The following SHPRH variants were observed in gnomAD, a reference collection of about 807,000 sequenced individuals.
SHPRH encodes the protein SNF2 histone linker PHD RING helicase.
A neutral mutation model predicts 202.5 loss-of-function variants in SHPRH; 106 were observed. That is an observed-to-expected ratio of 0.52 (90% CI 0.45 to 0.62). The LOEUF is 0.62. Among genes scored for constraint, SHPRH ranks in the 20% least tolerant of loss-of-function variants. The probability of loss-of-function intolerance (pLI) is 0.00; values close to 1 mark genes in which losing one functional copy is unlikely to be tolerated. For missense variants in SHPRH, 1,710 were observed against 2,020.0 expected, an observed-to-expected ratio of 0.85 and a Z score of 2.94; for synonymous variants, 729 against 686.0, an observed-to-expected ratio of 1.06 and a Z score of -0.98.
At chr6:145,879,342 T>G (rs1298412530) in intron 2 of SHPRH, among the ~76,000 whole-genome samples, 1 of 152,198 alleles carries the variant, frequency 6.6e-6, no homozygotes, top group Non-Finnish European at 1.5e-5. Flanking sequence ...TTCCTCCTTG[T>G]ATTTCTTAGT....
chr6:145,956,076 TAA>T (rs1788476149), intron 1 of SHPRH, among the ~76,000 whole-genome samples: 1 of 151,960 alleles, frequency 6.6e-6, no homozygotes, highest in Non-Finnish European at 1.5e-5. Context: ...AGAATAAGCT[TAA>T]ACAATGGAAA....
chr6:145,904,509 A>G (rs947505032), intron 25 of SHPRH: 1 of 152,242 alleles, frequency 6.6e-6, no homozygotes, highest in Non-Finnish European at 1.5e-5. Flanking sequence ...GTCACAAGAG[A>G]GGGGTGAAGT....
At chr6:145,932,507 CTG>C (rs971362124) in intron 14 of SHPRH, among the ~76,000 whole-genome samples, 3 of 151,354 alleles carry the variant, frequency 2.0e-5, no homozygotes, top group Non-Finnish European at 3.0e-5. Context: ...CATATACGTT[CTG>C]TGTGTGTGTG....
At chr6:145,945,821 A>C (rs1787313043) in intron 7 of SHPRH, among the ~76,000 whole-genome samples, 184 bp from the exon 8 acceptor site, 1 of 152,130 alleles carries the variant, frequency 6.6e-6, no homozygotes, top group African/African-American at 2.4e-5. Flanking sequence ...TAAGAAACAA[A>C]TTACTGTAAT....
chr6:145,954,877 A>T lies in SHPRH; in HGVS notation c.446T>A (p.Phe149Tyr). The T allele has an allele frequency of 6.2e-7, 1 of 1,613,734 alleles. No individual in the cohort carries two copies. Among genetic ancestry groups the T allele is most frequent in the South Asian group, 1.1e-5 (1 of 91,034 alleles). Residue 149 changes from phenylalanine (F) to tyrosine (Y), a missense_variant, in exon 2 of 30, where the codon TTC becomes TAC. Physicochemically the swap from Phe to Tyr is conservative, Grantham distance 22. Transcript: ENST00000275233. ...TLMSSESSNQFLIYVHSKGED... is the reference protein window; with the variant it reads ...TLMSSESSNQYLIYVHSKGED... Reference sequence around the variant, plus strand: ...ACCTTTTGAATGAACATAAATCAGGAACTGATTGCTTGACTCTGAACTCAT... The same window carrying T: ...ACCTTTTGAATGAACATAAATCAGGTACTGATTGCTTGACTCTGAACTCAT...
At position 145,945,611 on chromosome 6, in the gene SHPRH, C is replaced by T. The variant is rs1394276290; in HGVS notation, c.1348G>A (p.Val450Met). 8.1e-6 allele frequency: 13 copies of T among 1,611,730 alleles called. No homozygotes were observed. The highest frequency in any genetic ancestry group is 1.1e-5 in the Non-Finnish European group (13 of 1,179,228). Residue 450 changes from valine to methionine, a missense_variant, in exon 8 of 30, where the codon GTG becomes ATG. Around this residue, in one of 8 missense-constraint regions of SHPRH, gnomAD observed 348 missense variants for 356.9 expected, o/e 0.97. Coordinates refer to ENST00000275233, the MANE Select transcript of SHPRH (RefSeq NM_001042683.3). ...CCTTTTTTTCCATTCATTTCTTTCA[C>T]AGCTGTCAGTATCATCACACGTGTA... The part of the protein sequence containing the change: ...PPTRVMILTA[V>M]KEMNGKKGVS...
At chr6:145,858,954 T>A in the SHPRH span, among the ~76,000 whole-genome samples, 72 of 152,050 alleles carry the variant, frequency 4.7e-4, no homozygotes, top group Non-Finnish European at 8.5e-4. Context: ...TTGTGGTTGA[T>A]CTTGACTTTG....
chr6:145,944,667 T>C (rs1787173678), intron 8 of SHPRH, among the ~76,000 whole-genome samples: 2 of 152,102 alleles, frequency 1.3e-5, no homozygotes, highest in Admixed American at 6.6e-5. Flanking sequence ...TTTTTGTCTT[T>C]TTCTTGGTGG....
intron 20 of SHPRH, among the ~76,000 whole-genome samples, chr6:145,921,668 A>AT (rs1434386376): frequency 4.6e-5 from 7 of 152,132 alleles, no homozygotes; most frequent in Admixed American, 4.6e-4. Flanking sequence ...GCAAGGAAAT[A>AT]TGTGAGGAAA....
At chr6:145,963,171 G>A (rs950189301) in intron 1 of SHPRH, among the ~76,000 whole-genome samples, 8 of 152,124 alleles carry the variant, frequency 5.3e-5, no homozygotes, top group East Asian at 1.9e-4. Context: ...TTACAATACT[G>A]CTCAGGACTG....
In SHPRH at chr6:145,922,645, A is replaced by T; in HGVS notation, c.3719+18T>A. ...AGAAATGGTACCATTTCATTGTATGATTTCTTCTATTACCTACCAGTTGAG... is the reference window on the plus strand; with the variant it reads ...AGAAATGGTACCATTTCATTGTATGTTTTCTTCTATTACCTACCAGTTGAG... On this transcript the variant is annotated intron_variant, in intron 19 of 29. Coordinates refer to ENST00000275233, the MANE Select transcript of SHPRH (RefSeq NM_001042683.3). The T allele has an allele frequency of 6.3e-7, 1 of 1,575,268 alleles. No homozygotes were observed. Among genetic ancestry groups the T allele is most frequent in the South Asian group, 1.2e-5 (1 of 84,682 alleles).
intron 25 of SHPRH, among the ~76,000 whole-genome samples, chr6:145,895,889 A>G (rs1781974105): frequency 6.6e-6 from 1 of 152,072 alleles, no homozygotes; most frequent in Non-Finnish European, 1.5e-5. Flanking sequence ...CGAAGCATTT[A>G]GCCTAACATC....
Position 145,933,152 on chromosome 6 carries a change from G to A in SHPRH, c.3017C>T (p.Thr1006Ile). ...AGTTCCACATTTCTTCTGCAAAGAT[G>A]TCAGCAGCTCTTCCATTGTCATGGT... ...KSTMTMEELL[T>I]SLQKKCGTEC... The change falls in exon 14 of 30, where the codon ACA (threonine) becomes ATA (isoleucine). Residue 1006 changes from threonine to isoleucine, a missense_variant. Around this residue, in one of 8 missense-constraint regions of SHPRH, gnomAD observed 23 missense variants for 36.7 expected, o/e 0.63. Coordinates refer to ENST00000275233, the MANE Select transcript of SHPRH (RefSeq NM_001042683.3). 6.2e-7 allele frequency: 1 copy of A among 1,613,932 alleles called. No individual in the cohort carries two copies. The highest frequency in any genetic ancestry group is 8.5e-7 in the Non-Finnish European group (1 of 1,179,922).
At chr6:145,941,538 C>CTTAAACTA in intron 10 of SHPRH, 85 bp downstream of exon 10, 1 of 1,552,596 alleles carries the variant, frequency 6.4e-7, no homozygotes, top group Admixed American at 1.9e-5. Context: ...GTTAACTATG[C>CTTAAACTA]TTAAACTATT....
At chr6:145,861,741 A>G (rs1779587154), downstream of SHPRH, among the ~76,000 whole-genome samples, 1 of 152,188 alleles carries the variant, frequency 6.6e-6, no homozygotes, top group South Asian at 2.1e-4. Flanking sequence ...ATATACATGT[A>G]TGTATACATA....
In SHPRH at chr6:145,924,792, C is replaced by T. The variant is rs755953137; in HGVS notation, c.3349G>A (p.Ala1117Thr). The T allele has an allele frequency of 6.2e-7, 1 of 1,611,830 alleles. No homozygotes were observed. Among genetic ancestry groups the T allele is most frequent in the South Asian group, 1.1e-5 (1 of 90,976 alleles). ...TGCACAGGATATAAAGCTTGCTGGGCTTCAGCAACTTCTGTATTACACTTG... is the reference window on the plus strand; with the variant it reads ...TGCACAGGATATAAAGCTTGCTGGGTTTCAGCAACTTCTGTATTACACTTG... ...MSKCNTEVAE[A>T]QQALYPVQQT... Residue 1117 changes from alanine to threonine, a missense_variant, in exon 17 of 30, where the codon GCC becomes ACC. By Grantham distance (58) the Ala-to-Thr change is moderately conservative (BLOSUM62 0). This residue lies in a region of SHPRH where 288 missense variants were observed against 317.8 expected (regional missense o/e 0.91). Coordinates refer to ENST00000275233, the MANE Select transcript of SHPRH (RefSeq NM_001042683.3).
intron 14 of SHPRH, 135 bp downstream of exon 14, chr6:145,932,922 C>A: frequency 1.0e-6 from 1 of 973,408 alleles, no homozygotes; most frequent in Non-Finnish European, 1.4e-6. Flanking sequence ...CCTATTTAAA[C>A]TATATTCAGT....
chr6:145,897,859 T>C (rs1395492429), intron 25 of SHPRH, among the ~76,000 whole-genome samples: 2 of 152,126 alleles, frequency 1.3e-5, no homozygotes, highest in East Asian at 1.9e-4. Context: ...ATAGAAGGAA[T>C]GTACCTCAAC....
chr6:145,910,168 ATAT>A (rs1583364138), intron 25 of SHPRH: 1 of 275,202 alleles, frequency 3.6e-6, no homozygotes, highest in South Asian at 1.2e-4. Flanking sequence ...GTGGATAGAA[ATAT>A]TATAGAGGAT....
Sources: allele counts gnomAD v4.1 joint callset (sites outside exome capture counted in the v4.1 genomes callset), GRCh38; gene constraint gnomAD v4.1.1; regional missense constraint gnomAD v4.1.1; transcripts MANE v1.5; gene names NCBI Gene and HGNC (gene_info 2026-07-23, HGNC 2026-07-21).